The following MAP7 variants were observed in gnomAD, a reference collection of about 807,000 sequenced individuals.
MAP7 encodes microtubule associated protein 7, also known as ensconsin.
A neutral mutation model predicts 94.8 loss-of-function variants in MAP7; 52 were observed. The observed-to-expected ratio is 0.55, with a 90% CI of 0.44 to 0.69. The LOEUF is 0.69. Ranked by LOEUF, MAP7 falls within the 30% of genes least tolerant of loss-of-function variation. MAP7 has a pLI of 0.00. For missense variants in MAP7, 940 were observed against 964.6 expected, an observed-to-expected ratio of 0.97 and a Z score of 0.34; for synonymous variants, 350 against 357.0, an observed-to-expected ratio of 0.98 and a Z score of 0.22.
In MAP7 at chr6:136,362,654, G is replaced by T; in HGVS notation, c.1322C>A (p.Ser441Ter). Reference sequence around the variant, plus strand: ...GGGGACCGGGGCTGGAGCTGGGGCCGAGGCTGGAGCTGGGGCCGAGGCTGG... The same window carrying T: ...GGGGACCGGGGCTGGAGCTGGGGCCTAGGCTGGAGCTGGGGCCGAGGCTGG... ...PAPASAPAPA[S>*]APAPAPVPTP... Residue 441 changes from serine to a stop codon, truncating the protein, a stop_gained, in exon 11 of 18, where the codon TCG becomes TAG. Coordinates refer to ENST00000354570, the MANE Select transcript of MAP7 (RefSeq NM_003980.6). LOFTEE classifies it high-confidence loss of function. 1 of 1,606,172 alleles carries T rather than the reference G, an allele frequency of 6.2e-7. No individual in the cohort carries two copies.
chr6:136,505,281 A>G (rs867668529), intron 1 of MAP7, among the ~76,000 whole-genome samples: 1,640 of 110,990 alleles, frequency 0.015, 29 homozygotes, highest in African/African-American at 0.06. Context: ...GTGTGTGTAT[A>G]TATATATATA....
At position 136,550,157 on chromosome 6, in the gene MAP7, C is replaced by A. The variant is rs1197961942; in HGVS notation, c.67+185G>T. ...CCGAGCCGGGCTGGCCGAGCCGCGG[C>A]GGCGAAGGGCGGGGGAAGGCGCTCT... On this transcript the variant is annotated intron_variant, in intron 1 of 17. Transcript: ENST00000354570. The surrounding 1 kb of genome is among the most constrained non-coding windows in gnomAD (Gnocchi z 5.1). 6.6e-6 allele frequency among the ~76,000 whole-genome samples: 1 copy of A among 150,580 alleles called. No individual in the cohort carries two copies. The highest frequency in any genetic ancestry group is 2.1e-4 in the South Asian group (1 of 4,740).
At chr6:136,480,532 C>T (rs1812425644) in intron 1 of MAP7, among the ~76,000 whole-genome samples, 1 of 149,340 alleles carries the variant, frequency 6.7e-6, no homozygotes. Flanking sequence ...GTCCCAGCTA[C>T]TCGGGAGGCT....
chr6:136,413,451 G>C (rs1788152881), intron 2 of MAP7, among the ~76,000 whole-genome samples: 1 of 151,748 alleles, frequency 6.6e-6, no homozygotes, highest in Admixed American at 6.6e-5. Context: ...GAATCCGGGA[G>C]GTGGAGGTTG....
intron 1 of MAP7, among the ~76,000 whole-genome samples, chr6:136,543,655 C>CA (rs796132391): frequency 4.4e-4 from 65 of 146,778 alleles, no homozygotes; most frequent in African/African-American, 1.4e-3. Context: ...CTCCGTCTCA[C>CA]AAAAAAAAAG....
At chr6:136,488,243 A>G (rs1815388374) in intron 1 of MAP7, among the ~76,000 whole-genome samples, 1 of 152,128 alleles carries the variant, frequency 6.6e-6, no homozygotes, top group Non-Finnish European at 1.5e-5. Context: ...CTATCTTGGC[A>G]TTATTTCACA....
Position 136,344,040 on chromosome 6 carries a change from AT to A in MAP7, c.*187del, listed in dbSNP as rs1787043827. 1 of 351,878 alleles carries A rather than the reference AT, an allele frequency of 2.8e-6. No individual in the cohort carries two copies. Among genetic ancestry groups the A allele is most frequent in the Non-Finnish European group, 5.2e-6 (1 of 192,528 alleles). 21.8% of individuals were successfully genotyped at this position (351,878 alleles called of 1,614,324 possible). On this transcript the variant is annotated 3_prime_UTR_variant, in exon 18 of 18. Coordinates refer to ENST00000354570, the MANE Select transcript of MAP7 (RefSeq NM_003980.6). Reference sequence around the variant, plus strand: ...GAATGAGACGTATTTCTTTTTTCCTATTGATGAAAATTATTAGAAAAGCTAT... The same window carrying A: ...GAATGAGACGTATTTCTTTTTTCCTATGATGAAAATTATTAGAAAAGCTAT...
chr6:136,452,816 G>A (rs1254599099), intron 1 of MAP7, among the ~76,000 whole-genome samples: 2 of 152,148 alleles, frequency 1.3e-5, no homozygotes, highest in Non-Finnish European at 2.9e-5. Context: ...TCTTTCCAAA[G>A]TGCTGGCATT....
intron 1 of MAP7, among the ~76,000 whole-genome samples, chr6:136,536,894 T>C (rs756741210): frequency 6.6e-6 from 1 of 152,244 alleles, no homozygotes; most frequent in Non-Finnish European, 1.5e-5. Context: ...ATTGTACAAG[T>C]GGTTCAGAAT....
intron 1 of MAP7, among the ~76,000 whole-genome samples, chr6:136,431,357 A>G (rs1387225162): frequency 6.6e-6 from 1 of 152,228 alleles, no homozygotes; most frequent in Non-Finnish European, 1.5e-5. Context: ...TTAAAATAAA[A>G]CAAAACCAAA....
chr6:136,377,654 G>C (rs1468973937), intron 7 of MAP7, 101 bp downstream of exon 7: 2 of 832,888 alleles, frequency 2.4e-6, no homozygotes, highest in Non-Finnish European at 4.0e-6. Flanking sequence ...ACCGGGGGAA[G>C]AGAGAAGCGC....
chr6:136,474,326 G>T (rs1810113288), intron 1 of MAP7, among the ~76,000 whole-genome samples: 1 of 152,204 alleles, frequency 6.6e-6, no homozygotes, highest in Admixed American at 6.5e-5. Context: ...TGGTTGCTGT[G>T]TAGAGACTGA....
intron 1 of MAP7, among the ~76,000 whole-genome samples, chr6:136,456,825 A>AGAAGAAGAAG (rs1803297940): frequency 3.7e-4 from 45 of 120,124 alleles, no homozygotes; most frequent in East Asian, 3.6e-3. Flanking sequence ...AGAAGAAGGA[A>AGAAGAAGAAG]GAAGAAGAAG....
At chr6:136,469,999 G>A (rs1315354953) in intron 1 of MAP7, among the ~76,000 whole-genome samples, 2 of 152,022 alleles carry the variant, frequency 1.3e-5, no homozygotes, top group African/African-American at 2.4e-5. Context: ...CTTCAGAGTC[G>A]TTCTAACCCT....
Position 136,393,978 on chromosome 6 carries a change from A to AATTTTTTTTTTTT in MAP7, c.245-4462_245-4461insAAAAAAAAAAAAT, listed in dbSNP as rs1554242697. On this transcript the variant is annotated intron_variant, in intron 3 of 17. Transcript: ENST00000354570. ...GTTCTGATATCTCTGCAGCAAAGGT[A>AATTTTTTTTTTTT]TTTTTTTTTTTTTTTTTTTTTTTGA... 1.1e-4 allele frequency among the ~76,000 whole-genome samples: 4 copies of AATTTTTTTTTTTT among 36,204 alleles called. 2 individuals carry two copies. The allele number at this position is 36,204 out of a possible 152,430, so 23.8% of individuals were successfully genotyped here. A position where few individuals can be genotyped will look rare whatever the true frequency, so the allele number is the denominator to read the frequency against.
At chr6:136,389,591 G>A in intron 3 of MAP7, 74 bp from the exon 4 acceptor site, 9 of 1,395,480 alleles carry the variant, frequency 6.4e-6, no homozygotes, top group Non-Finnish European at 9.0e-6. Context: ...AATAGTTAGG[G>A]CTGTATTAAG....
intron 1 of MAP7, among the ~76,000 whole-genome samples, chr6:136,498,605 T>C (rs867914202): frequency 2.6e-5 from 4 of 151,838 alleles, no homozygotes; most frequent in African/African-American, 9.7e-5. Context: ...GTTTGGTGGT[T>C]AGAGGGAGAT....
At chr6:136,471,408 G>A (rs1395659729) in intron 1 of MAP7, among the ~76,000 whole-genome samples, 2 of 152,100 alleles carry the variant, frequency 1.3e-5, no homozygotes, top group Non-Finnish European at 2.9e-5. Context: ...CTTTGGGAGG[G>A]TTTTTGTTTG....
intron 1 of MAP7, among the ~76,000 whole-genome samples, chr6:136,447,593 T>A (rs1189794046): frequency 1.3e-5 from 2 of 152,214 alleles, no homozygotes; most frequent in Non-Finnish European, 2.9e-5. Context: ...GAATTAAGAT[T>A]TATACTTTAT....
Sources: allele counts gnomAD v4.1 joint callset (sites outside exome capture counted in the v4.1 genomes callset), GRCh38; gene constraint gnomAD v4.1.1; non-coding constraint Gnocchi (gnomAD v3.1); transcripts MANE v1.5; gene names NCBI Gene and HGNC (gene_info 2026-07-23, HGNC 2026-07-21).